RANBP2: variants seen among roughly 807,000 people sequenced by gnomAD.
RANBP2 encodes the protein RAN binding protein 2.
A neutral mutation model predicts 303.6 loss-of-function variants in RANBP2; 57 were observed. The ratio of observed to expected loss-of-function variants is 0.19; its 90% CI spans 0.15 to 0.23. The LOEUF (loss-of-function observed/expected upper bound fraction) is 0.23. Among genes scored for constraint, RANBP2 ranks in the 10% least tolerant of loss-of-function variants. The pLI is 1.00. For synonymous variants in RANBP2, 1,167 were observed against 1,301.5 expected, an observed-to-expected ratio of 0.90 and a Z score of 2.23; for missense variants, 3,138 against 3,780.8, an observed-to-expected ratio of 0.83 and a Z score of 4.46.
chr2:109,260,458 G>T, the RANBP2 span, among the ~76,000 whole-genome samples: 45 of 152,316 alleles, frequency 3.0e-4, no homozygotes, highest in African/African-American at 1.0e-3. Context: ...GAAAGCATCT[G>T]CCTCCCAGTG....
the RANBP2 span, among the ~76,000 whole-genome samples, chr2:109,389,334 C>A: frequency 2.6e-5 from 4 of 152,310 alleles, no homozygotes; most frequent in East Asian, 1.9e-4. Flanking sequence ...CTACTGGAGG[C>A]AATGTCTGTC....
chr2:108,752,220 T>C (rs1203378880), intron 12 of RANBP2, among the ~76,000 whole-genome samples: 1 of 151,986 alleles, frequency 6.6e-6, no homozygotes, highest in Non-Finnish European at 1.5e-5. Flanking sequence ...GTTACTGTTA[T>C]TCCTTAATAA....
At chr2:109,440,096 T>C in the RANBP2 span, among the ~76,000 whole-genome samples, 2 of 152,208 alleles carry the variant, frequency 1.3e-5, no homozygotes, top group Non-Finnish European at 2.9e-5. Flanking sequence ...GGCCTGGCAA[T>C]GAGGAATAGC....
chr2:109,778,521 A>T, the RANBP2 span, among the ~76,000 whole-genome samples: 1 of 150,058 alleles, frequency 6.7e-6, no homozygotes, highest in East Asian at 1.9e-4. Flanking sequence ...AGCTAGAAAC[A>T]TCTTTTTTCA....
the RANBP2 span, chr2:109,616,479 G>A: frequency 5.9e-6 from 1 of 168,424 alleles, no homozygotes; most frequent in Non-Finnish European, 1.4e-5. Context: ...ACAAAAAAAT[G>A]CAAACTGTAA....
chr2:109,545,199 G>A, the RANBP2 span: 1 of 985,348 alleles, frequency 1.0e-6, no homozygotes, highest in Non-Finnish European at 1.2e-6. Context: ...CTGAGGCAGA[G>A]TCCCCCAAAT....
the RANBP2 span, among the ~76,000 whole-genome samples, chr2:108,953,594 C>T: frequency 6.6e-6 from 1 of 152,052 alleles, no homozygotes; most frequent in Non-Finnish European, 1.5e-5. Flanking sequence ...TTGTCCAGTT[C>T]TATAGTTGTT....
At chr2:109,156,326 C>T in the RANBP2 span, among the ~76,000 whole-genome samples, 1 of 152,222 alleles carries the variant, frequency 6.6e-6, no homozygotes, top group East Asian at 1.9e-4. Context: ...TCTTCCCCTG[C>T]TGGGACTGTG....
chr2:109,520,621 A>AG, the RANBP2 span, among the ~76,000 whole-genome samples: 2 of 92,936 alleles, frequency 2.2e-5, no homozygotes, highest in African/African-American at 6.4e-5. Context: ...AAAAAAAAAA[A>AG]AAAGAAAAAA....
chr2:108,844,530 C>T, the RANBP2 span, among the ~76,000 whole-genome samples: 5 of 152,080 alleles, frequency 3.3e-5, no homozygotes, highest in South Asian at 2.1e-4. Context: ...TCTGTCCTGT[C>T]GGTGTTGGCA....
the RANBP2 span, chr2:109,449,273 C>T: frequency 5.6e-6 from 9 of 1,611,458 alleles, no homozygotes; most frequent in South Asian, 8.8e-5. Context: ...GCCTCAGGCC[C>T]CACTCGGTGG....
chr2:109,192,175 G>A, the RANBP2 span, among the ~76,000 whole-genome samples: 2 of 152,084 alleles, frequency 1.3e-5, no homozygotes, highest in Admixed American at 6.5e-5. Flanking sequence ...TCTACATATG[G>A]CACTAACTCG....
chr2:109,234,488 ATTC>A, the RANBP2 span, among the ~76,000 whole-genome samples: 1 of 152,268 alleles, frequency 6.6e-6, no homozygotes, highest in African/African-American at 2.4e-5. Context: ...GAGAACACAC[ATTC>A]TTCTCAGCGA....
At chr2:109,677,115 C>T in the RANBP2 span, among the ~76,000 whole-genome samples, 2 of 152,128 alleles carry the variant, frequency 1.3e-5, no homozygotes, top group Non-Finnish European at 2.9e-5. Flanking sequence ...TCAGCACCTC[C>T]TCCTGTCTCC....
At chr2:109,617,833 A>T in the RANBP2 span, 1 of 159,520 alleles carries the variant, frequency 6.3e-6, no homozygotes, top group South Asian at 2.1e-4. Context: ...AGCCTGGCCA[A>T]CATGGTGAAA....
the RANBP2 span, among the ~76,000 whole-genome samples, chr2:109,242,695 A>G: frequency 6.6e-6 from 1 of 152,148 alleles, no homozygotes; most frequent in African/African-American, 2.4e-5. Flanking sequence ...GTCAGGACAC[A>G]TTTCGTGAGC....
At chr2:108,903,440 GA>G in the RANBP2 span, among the ~76,000 whole-genome samples, 9 of 149,352 alleles carry the variant, frequency 6.0e-5, no homozygotes, top group Non-Finnish European at 1.2e-4. Flanking sequence ...AAAGATTTTT[GA>G]AAAAAAAATA....
chr2:108,845,737 AT>A, the RANBP2 span, among the ~76,000 whole-genome samples: 8 of 151,818 alleles, frequency 5.3e-5, no homozygotes, highest in Admixed American at 4.6e-4. Context: ...ACGCCTGGCT[AT>A]TTTTTTGTAT....
chr2:109,546,579 G>T, the RANBP2 span, among the ~76,000 whole-genome samples: 1 of 151,506 alleles, frequency 6.6e-6, no homozygotes, highest in South Asian at 2.1e-4. Flanking sequence ...ATAAAAATAA[G>T]AGATGCAAAG....
Sources: gnomAD v4.1 joint callset for allele counts (sites outside exome capture counted in the v4.1 genomes callset) on GRCh38, gnomAD v4.1.1 for gene constraint, MANE v1.5 for transcripts, NCBI Gene and HGNC (gene_info 2026-07-23, HGNC 2026-07-21) for gene names.